Variants in CNTN4 observed in about 807,000 individuals in gnomAD.
CNTN4 encodes contactin 4.
CNTN4 carries 77 observed loss-of-function variants against 122.5 expected under a neutral mutation model. The ratio of observed to expected loss-of-function variants is 0.63; its 90% CI spans 0.52 to 0.76. CNTN4 has a LOEUF of 0.76. Among genes scored for constraint, CNTN4 ranks in the 30% least tolerant of loss-of-function variants. CNTN4 has a pLI of 0.00. For missense variants in CNTN4, 1,256 were observed against 1,259.1 expected (o/e 1.00, Z 0.04); for synonymous variants, 512 against 447.0 (o/e 1.15, Z -1.83).
intron 2 of CNTN4, among the ~76,000 whole-genome samples, chr3:2,156,516 G>A (rs2035727165): frequency 6.6e-6 from 1 of 152,154 alleles, no homozygotes. Flanking sequence ...CGGACTTCCT[G>A]TCCATTACGC....
At chr3:2,406,686 C>G (rs762477571) in intron 3 of CNTN4, among the ~76,000 whole-genome samples, 16 of 152,140 alleles carry the variant, frequency 1.1e-4, no homozygotes, top group Non-Finnish European at 1.9e-4. Context: ...TTTTGAGTCT[C>G]ACATTGTCCA....
At chr3:2,912,999 A>G (rs2094317576) in intron 12 of CNTN4, among the ~76,000 whole-genome samples, 1 of 152,156 alleles carries the variant, frequency 6.6e-6, no homozygotes, top group South Asian at 2.1e-4. Flanking sequence ...TAAAAATACA[A>G]AGTTTAGCTG....
intron 3 of CNTN4, among the ~76,000 whole-genome samples, chr3:2,348,551 C>G (rs1420338880): frequency 6.6e-6 from 1 of 152,156 alleles, no homozygotes; most frequent in African/African-American, 2.4e-5. Flanking sequence ...TTCCTCTGTT[C>G]CTTTATCAGA....
At chr3:2,136,693 T>TA (rs745648552) in intron 2 of CNTN4, among the ~76,000 whole-genome samples, 200 of 143,876 alleles carry the variant, frequency 1.4e-3, no homozygotes, top group Middle Eastern at 3.6e-3. Flanking sequence ...TTCCTTGGTT[T>TA]AAAAAAAAAA....
At chr3:2,651,989 G>C (rs1427116646) in intron 4 of CNTN4, among the ~76,000 whole-genome samples, 1 of 150,294 alleles carries the variant, frequency 6.7e-6, no homozygotes, top group Non-Finnish European at 1.5e-5. Flanking sequence ...TTATAGGTGT[G>C]ACCCACCGCA....
At position 2,381,144 on chromosome 3, in the gene CNTN4, T is replaced by C. The variant is rs929946210; in HGVS notation, c.-89+41911T>C. ...CCTCAGCCTCCTGAGTAGCTGGGAC[T>C]ACAGGCGCCCGCCACCACACCCGGC... On this transcript the variant is annotated intron_variant, in intron 3 of 24. Transcript: ENST00000418658. 7.2e-5 allele frequency among the ~76,000 whole-genome samples: 11 copies of C among 152,216 alleles called. No individual in the cohort carries two copies. The East Asian group carries it at 7.7e-4, about 11-fold the overall frequency.
chr3:2,643,076 C>T (rs1034330047), intron 4 of CNTN4, among the ~76,000 whole-genome samples: 7 of 152,198 alleles, frequency 4.6e-5, no homozygotes, highest in South Asian at 2.1e-4. Flanking sequence ...AAACAATGCA[C>T]GCTAAACTCT....
intron 6 of CNTN4, among the ~76,000 whole-genome samples, chr3:2,770,658 G>C (rs1361538403): frequency 6.6e-6 from 1 of 152,190 alleles, no homozygotes; most frequent in East Asian, 1.9e-4. Flanking sequence ...AACTATCCAG[G>C]GCTAGAGATA....
At chr3:2,646,427 G>C (rs2728078) in intron 4 of CNTN4, among the ~76,000 whole-genome samples, 1 of 151,810 alleles carries the variant, frequency 6.6e-6, no homozygotes, top group Non-Finnish European at 1.5e-5. Flanking sequence ...TGTGTAATTC[G>C]GGAATAATAA....
intron 2 of CNTN4, among the ~76,000 whole-genome samples, chr3:2,114,879 A>G (rs958326261): frequency 1.3e-5 from 2 of 152,212 alleles, no homozygotes; most frequent in African/African-American, 4.8e-5. Flanking sequence ...TTCCTTTGCT[A>G]ATAACATTTG....
rs184179167 is a variant in CNTN4, at chr3:2,931,700, C to G, written c.1358+5921C>G. Among the ~76,000 whole-genome samples the G allele has an allele frequency of 1.6e-3, 237 of 152,302 alleles. 1 individual carries two copies. Among genetic ancestry groups the G allele is most frequent in the Admixed American group, 0.014 (214 of 15,298 alleles). On this transcript the variant is annotated intron_variant, in intron 13 of 24. Transcript: ENST00000418658. ...CTGGACAGCAGTGGTGAGATTATAG[C>G]TCACTGCAGCCTTGAACTCCTGGGC...
intron 7 of CNTN4, among the ~76,000 whole-genome samples, chr3:2,853,892 T>C (rs1051788235): frequency 1.3e-5 from 2 of 152,222 alleles, no homozygotes; most frequent in Admixed American, 6.5e-5. Context: ...ATCTCTATGC[T>C]GGCCTTGGGG....
At chr3:2,964,108 A>G (rs1204188104) in intron 13 of CNTN4, among the ~76,000 whole-genome samples, 1 of 152,146 alleles carries the variant, frequency 6.6e-6, no homozygotes, top group African/African-American at 2.4e-5. Flanking sequence ...GTTTTTGAGC[A>G]TTCATAGGGA....
chr3:2,866,651 A>G lies in CNTN4; in HGVS notation c.455-101A>G, dbSNP rs6442761. 904,064 of 1,267,100 alleles carry G rather than the reference A, an allele frequency of 0.71. 324,397 individuals are homozygous for G. The highest frequency in any genetic ancestry group is 0.82 in the African/African-American group (55,469 of 67,936). The allele number at this position is 1,267,100 out of a possible 1,614,324, so 78.5% of individuals were successfully genotyped here. ...TAGTGGGCTGAAAAAGAGTCATTGGACAACAATGTATACATTTTTAACCTG... is the reference window on the plus strand; with the variant it reads ...TAGTGGGCTGAAAAAGAGTCATTGGGCAACAATGTATACATTTTTAACCTG... On this transcript the variant is annotated intron_variant, in intron 7 of 24. Coordinates refer to ENST00000418658, the MANE Select transcript of CNTN4 (RefSeq NM_175607.3).
intron 10 of CNTN4, among the ~76,000 whole-genome samples, chr3:2,891,598 G>C (rs1402935622): frequency 6.6e-6 from 1 of 152,166 alleles, no homozygotes; most frequent in African/African-American, 2.4e-5. Context: ...GCTTTCAAGG[G>C]GAAGTGCATT....
chr3:2,444,639 A>T (rs1304503441), intron 3 of CNTN4, among the ~76,000 whole-genome samples: 2 of 152,124 alleles, frequency 1.3e-5, no homozygotes, highest in African/African-American at 4.8e-5. Flanking sequence ...AGATCAAAGT[A>T]GGATTTTAAA....
intron 10 of CNTN4, among the ~76,000 whole-genome samples, chr3:2,898,637 A>G (rs1188726202): frequency 6.6e-6 from 1 of 152,240 alleles, no homozygotes; most frequent in African/African-American, 2.4e-5. Context: ...AATCTATGAC[A>G]TTGAAATCTC....
rs2094164578 is a variant in CNTN4, at chr3:2,900,799, A to G, written c.1055A>G (p.Asn352Ser). The G allele has an allele frequency of 1.9e-6, 3 of 1,613,866 alleles. No individual in the cohort carries two copies. Among genetic ancestry groups the G allele is most frequent in the South Asian group, 1.1e-5 (1 of 91,092 alleles). ...RPKPTYKWLKNGEPLLTRDRI... is the reference protein window; with the variant it reads ...RPKPTYKWLKSGEPLLTRDRI... ...AAGCCTACATACAAGTGGCTAAAAAATGGCGAACCTCTGCTAACTCGGGTA... is the reference window on the plus strand; with the variant it reads ...AAGCCTACATACAAGTGGCTAAAAAGTGGCGAACCTCTGCTAACTCGGGTA... The change falls in exon 11 of 25, where the codon AAT (asparagine) becomes AGT (serine). Residue 352 changes from asparagine (N) to serine (S), a missense_variant. Transcript: ENST00000418658.
At chr3:2,479,715 G>A (rs2075935439) in intron 3 of CNTN4, among the ~76,000 whole-genome samples, 1 of 152,184 alleles carries the variant, frequency 6.6e-6, no homozygotes, top group African/African-American at 2.4e-5. Flanking sequence ...GCCATTAAAA[G>A]TCTTGCTTCC....
Sources: gnomAD v4.1 joint callset for allele counts (sites outside exome capture counted in the v4.1 genomes callset) on GRCh38, gnomAD v4.1.1 for gene constraint, MANE v1.5 for transcripts, NCBI Gene and HGNC (gene_info 2026-07-23, HGNC 2026-07-21) for gene names.